Variants in NALCN observed in about 807,000 individuals in gnomAD.
NALCN encodes sodium leak channel NALCN.
In NALCN, 111 loss-of-function variants were observed where a neutral mutation model predicts 225.3. The observed-to-expected ratio is 0.49, with a 90% CI of 0.42 to 0.58. The LOEUF (loss-of-function observed/expected upper bound fraction) is 0.58. Among genes scored for constraint, NALCN ranks in the 20% least tolerant of loss-of-function variants. NALCN has a pLI of 0.00. For synonymous variants in NALCN, 764 were observed against 769.0 expected, an observed-to-expected ratio of 0.99 and a Z score of 0.11; for missense variants, 1,378 against 2,202.4, an observed-to-expected ratio of 0.63 and a Z score of 7.49.
intron 20 of NALCN, among the ~76,000 whole-genome samples, chr13:101,108,127 G>A (rs2035240544): frequency 6.8e-6 from 1 of 147,392 alleles, no homozygotes; most frequent in Non-Finnish European, 1.5e-5. Flanking sequence ...TTATACTAAA[G>A]GTATATATTT....
chr13:101,301,448 C>T (rs1335032065), intron 7 of NALCN, among the ~76,000 whole-genome samples: 2 of 152,150 alleles, frequency 1.3e-5, no homozygotes, highest in Non-Finnish European at 2.9e-5. Context: ...AAAGGCCGGG[C>T]GCAGTGGCTC....
intron 7 of NALCN, among the ~76,000 whole-genome samples, chr13:101,301,720 CA>C (rs34125715): frequency 2.2e-5 from 3 of 133,726 alleles, no homozygotes; most frequent in Admixed American, 7.7e-5. Context: ...GACTCTGTCT[CA>C]AAAAAAAAAG....
At chr13:101,265,535 C>T (rs895201740) in intron 10 of NALCN, among the ~76,000 whole-genome samples, 8 of 152,262 alleles carry the variant, frequency 5.3e-5, no homozygotes, top group Non-Finnish European at 7.4e-5. Flanking sequence ...AAGCCAAACA[C>T]GGGGAGGGCT....
At chr13:101,135,637 G>A (rs61973996) in intron 17 of NALCN, among the ~76,000 whole-genome samples, 16,049 of 152,010 alleles carry the variant, frequency 0.11, 1,154 homozygotes, top group East Asian at 0.36. Context: ...CAGGTGATCC[G>A]CCAGCCTTGG....
chr13:101,160,103 C>T (rs772209886), intron 15 of NALCN, among the ~76,000 whole-genome samples: 6 of 152,084 alleles, frequency 3.9e-5, no homozygotes, highest in South Asian at 2.1e-4. Flanking sequence ...TACAGGTACA[C>T]ACCACCATGC....
At chr13:101,260,186 T>C (rs1290219488) in intron 10 of NALCN, among the ~76,000 whole-genome samples, 2 of 152,198 alleles carry the variant, frequency 1.3e-5, no homozygotes, top group Non-Finnish European at 2.9e-5. Context: ...TCCATCCATG[T>C]TGTTACAAAT....
intron 6 of NALCN, among the ~76,000 whole-genome samples, chr13:101,363,369 T>A (rs1288388446): frequency 6.6e-6 from 1 of 152,066 alleles, no homozygotes; most frequent in Non-Finnish European, 1.5e-5. Context: ...CAAACCAGCA[T>A]GGTACTGGTA....
chr13:101,083,564 G>T, intron 31 of NALCN, 147 bp downstream of exon 31: 1 of 702,592 alleles, frequency 1.4e-6, no homozygotes. Flanking sequence ...CTTATGGAGA[G>T]ATCTGTGGTT....
intron 3 of NALCN, among the ~76,000 whole-genome samples, chr13:101,390,366 T>G (rs1477579956): frequency 6.7e-6 from 1 of 149,936 alleles, no homozygotes; most frequent in Non-Finnish European, 1.5e-5. Context: ...GACAGAGGAG[T>G]GAGGGGACAG....
intron 37 of NALCN, among the ~76,000 whole-genome samples, chr13:101,071,500 A>G (rs927448830): frequency 1.3e-5 from 2 of 152,216 alleles, no homozygotes; most frequent in African/African-American, 2.4e-5. Flanking sequence ...TTCCTTAAAC[A>G]TAATGAACCA....
chr13:101,156,782 TTTAAA>T (rs1464395593), intron 15 of NALCN, among the ~76,000 whole-genome samples: 2 of 152,154 alleles, frequency 1.3e-5, no homozygotes, highest in African/African-American at 4.8e-5. Context: ...AATATGACAC[TTTAAA>T]TTAGAGGCAT....
chr13:101,150,717 T>C lies in NALCN; in HGVS notation c.1840-5821A>G, dbSNP rs149003856. ...AAGATTTTGCAAGATTAAATTTACT[T>C]TGATGCAAATGAATGAATAATATAT... On this transcript the variant is annotated intron_variant, in intron 15 of 43. Coordinates refer to ENST00000251127, the MANE Select transcript of NALCN (RefSeq NM_052867.4). Among the ~76,000 whole-genome samples, 474 of 152,252 alleles carry C rather than the reference T, an allele frequency of 3.1e-3. 1 individual carries two copies. The highest frequency in any genetic ancestry group is 9.2e-3 in the African/African-American group (384 of 41,542).
chr13:101,244,153 T>G (rs974668934), intron 11 of NALCN, among the ~76,000 whole-genome samples: 4 of 147,420 alleles, frequency 2.7e-5, no homozygotes, highest in African/African-American at 5.0e-5. Context: ...CACCTGTATT[T>G]TCAGACTGAG....
rs529338434 is a variant in NALCN, at chr13:101,147,848, T to A, written c.1840-2952A>T. Among the ~76,000 whole-genome samples, 11 of 152,186 alleles carry A rather than the reference T, an allele frequency of 7.2e-5. No homozygotes were observed. The South Asian group carries it at 1.9e-3, about 26-fold the overall frequency. ...CATCTGCACCCTCTGCCTCAGAACC[T>A]CTGTGCCTCCCCCACCTCTGCCGGC... is the stretch of plus-strand genomic sequence containing the variant. On this transcript the variant is annotated intron_variant, in intron 15 of 43. Transcript: ENST00000251127.
chr13:101,083,593 T>C lies in NALCN; in HGVS notation c.3583+118A>G, dbSNP rs1158720935. The C allele has an allele frequency of 5.3e-6, 5 of 938,350 alleles. No individual in the cohort carries two copies. The East Asian group carries it at 1.3e-4, about 25-fold the overall frequency. The allele number at this position is 938,350 out of a possible 1,614,324, so 58.1% of individuals were successfully genotyped here. On this transcript the variant is annotated intron_variant, in intron 31 of 43. Transcript: ENST00000251127. ...TGTGGTTTGGAGCCTGTTTCTGTAT[T>C]ACCTTATGCACAACCTCCCAGCGGC...
At chr13:101,226,561 A>T (rs2041150227) in intron 13 of NALCN, among the ~76,000 whole-genome samples, 1 of 152,150 alleles carries the variant, frequency 6.6e-6, no homozygotes, top group Admixed American at 6.5e-5. Flanking sequence ...AGACCCAGAG[A>T]AGGTGGGCCT....
At chr13:101,376,431 C>A (rs867844596) in intron 6 of NALCN, among the ~76,000 whole-genome samples, 1 of 151,958 alleles carries the variant, frequency 6.6e-6, no homozygotes, top group Non-Finnish European at 1.5e-5. Flanking sequence ...GAAGGAGAAA[C>A]GCTTGAACCC....
intron 15 of NALCN, among the ~76,000 whole-genome samples, chr13:101,150,579 G>A (rs1246291171): frequency 6.6e-6 from 1 of 152,140 alleles, no homozygotes; most frequent in African/African-American, 2.4e-5. Context: ...AGGTGACCAT[G>A]ATACACAAAG....
intron 15 of NALCN, among the ~76,000 whole-genome samples, chr13:101,160,398 G>T (rs937784699): frequency 6.6e-6 from 1 of 152,140 alleles, no homozygotes; most frequent in African/African-American, 2.4e-5. Context: ...ATATGAAGGT[G>T]TAACTGACCA....
Sources: gnomAD v4.1 joint callset for allele counts (sites outside exome capture counted in the v4.1 genomes callset) on GRCh38, gnomAD v4.1.1 for gene constraint, MANE v1.5 for transcripts, NCBI Gene and HGNC (gene_info 2026-07-23, HGNC 2026-07-21) for gene names.